The following ZSWIM5 variants were observed in gnomAD, a reference collection of about 807,000 sequenced individuals.
ZSWIM5 encodes the protein zinc finger SWIM domain-containing protein 5.
A neutral mutation model predicts 119.6 loss-of-function variants in ZSWIM5; 55 were observed. That is an observed-to-expected ratio of 0.46 (90% confidence interval 0.37 to 0.58). The LOEUF (loss-of-function observed/expected upper bound fraction) is 0.58, where lower values mean the gene tolerates loss of function less well. Ranked by LOEUF, ZSWIM5 falls within the 20% of genes least tolerant of loss-of-function variation. ZSWIM5 has a pLI of 0.00. For synonymous variants in ZSWIM5, 537 were observed against 606.9 expected, an observed-to-expected ratio of 0.88 and a Z score of 1.69; for missense variants, 1,193 against 1,512.8, an observed-to-expected ratio of 0.79 and a Z score of 3.51.
intron 11 of ZSWIM5, 22 bp from the exon 12 acceptor site, chr1:45,020,810 G>A (rs769196548): frequency 1.2e-6 from 2 of 1,609,040 alleles, no homozygotes; most frequent in African/African-American, 1.3e-5. Flanking sequence ...AAGAGAAGGG[G>A]CAGGGTCTAT....
intron 1 of ZSWIM5, among the ~76,000 whole-genome samples, chr1:45,156,475 A>C (rs1422978891): frequency 6.6e-6 from 1 of 152,068 alleles, no homozygotes; most frequent in East Asian, 1.9e-4. Flanking sequence ...AAAAGAAACA[A>C]AGAAAATGGA....
At chr1:45,133,548 C>T (rs943906443) in intron 1 of ZSWIM5, among the ~76,000 whole-genome samples, 1 of 152,178 alleles carries the variant, frequency 6.6e-6, no homozygotes, top group Non-Finnish European at 1.5e-5. Context: ...AATTTTCTCT[C>T]ATTCTGTAGG....
rs561044778 is a variant in ZSWIM5 at position 45,196,681 on chromosome 1, C to G, written c.595+9075G>C. ...CTGGGATTACAGACGTGAGCCACCA[C>G]GCCCGGCTGAAGCCCACAATTCTTT... On this transcript the variant is annotated intron_variant, in intron 1 of 13. Coordinates refer to ENST00000359600, the MANE Select transcript of ZSWIM5 (RefSeq NM_020883.2). Among the ~76,000 whole-genome samples the G allele has an allele frequency of 5.9e-5, 9 of 151,512 alleles. No individual in the cohort carries two copies. In the South Asian group the frequency reaches 1.9e-3, roughly 32 times the overall value.
Position 45,129,901 on chromosome 1 carries a change from AT to A in ZSWIM5, c.596-41665del, listed in dbSNP as rs988429826. On this transcript the variant is annotated intron_variant, in intron 1 of 13. Transcript: ENST00000359600. The stretch of plus-strand genomic sequence containing the variant: ...CCAAAAACATAATCCATAAAAGGAA[AT>A]TTTTTTTTTTTTTGAGATGGAGTTC... Among the ~76,000 whole-genome samples, 839 of 146,452 alleles carry A rather than the reference AT, an allele frequency of 5.7e-3. 4 individuals carry two copies. Among genetic ancestry groups the A allele is most frequent in the East Asian group, 0.017 (84 of 5,048 alleles).
rs1382762443 is a variant in ZSWIM5, at chr1:45,205,908, G to A, written c.443C>T (p.Pro148Leu). Residue 148 changes from proline (P) to leucine (L), a missense_variant, in exon 1 of 14, where the codon CCG (proline) becomes CTG (leucine). Pro to Leu is a moderately conservative substitution (Grantham distance 98, BLOSUM62 -3). Around this residue, in one of 2 missense-constraint regions of ZSWIM5, gnomAD observed 232 missense variants for 222.9 expected, o/e 1.04. Transcript: ENST00000359600. ...GACGCCCCCGGGGGCGGAGCCGGCC[G>A]GAGCGGCGGCCCCGGGGGGTGGCTG... ...GPQPPPGAAA[P>L]AGSAPGGVAA... 3.8e-6 allele frequency: 4 copies of A among 1,054,268 alleles called. No homozygotes were observed. Among genetic ancestry groups the A allele is most frequent in the Non-Finnish European group, 4.6e-6 (4 of 876,946 alleles). The allele number at this position is 1,054,268 out of a possible 1,614,324, so 65.3% of individuals were successfully genotyped here. A position where few individuals can be genotyped will look rare whatever the true frequency, so the allele number is the denominator to read the frequency against.
chr1:45,164,683 C>G (rs370524939), intron 1 of ZSWIM5, among the ~76,000 whole-genome samples: 8 of 152,050 alleles, frequency 5.3e-5, no homozygotes, highest in Non-Finnish European at 1.2e-4. Flanking sequence ...TCTGATAAAA[C>G]AGACTTTAAA....
Position 45,126,181 on chromosome 1 carries a change from A to C in ZSWIM5, c.596-37944T>G, listed in dbSNP as rs537877421. On this transcript the variant is annotated intron_variant, in intron 1 of 13. Transcript: ENST00000359600. ...TGAAATAAACCAAGCAGAAAGGAGG[A>C]AGTAATAAAGGTAAAGAGAAGAAAT... is the stretch of plus-strand genomic sequence containing the variant. Among the ~76,000 whole-genome samples the C allele has an allele frequency of 6.6e-4, 100 of 152,018 alleles. 1 individual carries two copies. Among genetic ancestry groups the C allele is most frequent in the East Asian group, 1.3e-3 (7 of 5,186 alleles).
chr1:45,145,416 C>T (rs1405532952), intron 1 of ZSWIM5, among the ~76,000 whole-genome samples: 1 of 149,578 alleles, frequency 6.7e-6, no homozygotes, highest in East Asian at 1.9e-4. Context: ...TTAGAAACAA[C>T]CCAAATATCC....
intron 1 of ZSWIM5, among the ~76,000 whole-genome samples, chr1:45,142,888 C>A (rs1459817364): frequency 6.6e-6 from 1 of 151,304 alleles, no homozygotes; most frequent in Non-Finnish European, 1.5e-5. Context: ...AAACTATAGA[C>A]TGCTGGACAT....
rs557145573 is a variant in ZSWIM5, at chr1:45,169,854, A to AC, written c.595+35901dup. Among the ~76,000 whole-genome samples, 33 of 152,258 alleles carry AC rather than the reference A, an allele frequency of 2.2e-4. No homozygotes were observed. In the South Asian group the frequency reaches 6.2e-3, roughly 29 times the overall value. ...TTACATCACTTAATACACAGCATGC[A>AC]CTAAAAAAAGTATTAAAACCTATAT... On this transcript the variant is annotated intron_variant, in intron 1 of 13. Transcript: ENST00000359600.
intron 2 of ZSWIM5, among the ~76,000 whole-genome samples, chr1:45,071,416 C>G (rs1645221077): frequency 6.7e-6 from 1 of 148,226 alleles, no homozygotes; most frequent in Non-Finnish European, 1.5e-5. Flanking sequence ...GCATAATAAC[C>G]TCCAATTCCA....
chr1:45,153,084 T>C (rs1025672937), intron 1 of ZSWIM5, among the ~76,000 whole-genome samples: 3 of 122,948 alleles, frequency 2.4e-5, no homozygotes, highest in African/African-American at 6.9e-5. Context: ...ATGGCTACTA[T>C]TAAAAAGTTA....
chr1:45,054,408 C>A (rs1409039916), intron 4 of ZSWIM5, among the ~76,000 whole-genome samples: 1 of 151,760 alleles, frequency 6.6e-6, no homozygotes, highest in Non-Finnish European at 1.5e-5. Flanking sequence ...CATGGTGAAA[C>A]CCTGTCTCTA....
At chr1:45,164,781 T>C (rs1455467128) in intron 1 of ZSWIM5, among the ~76,000 whole-genome samples, 1 of 152,070 alleles carries the variant, frequency 6.6e-6, no homozygotes, top group African/African-American at 2.4e-5. Flanking sequence ...CCTAAATATA[T>C]ATGCACCCAA....
chr1:45,131,006 C>T (rs1208228391), intron 1 of ZSWIM5, among the ~76,000 whole-genome samples: 1 of 152,150 alleles, frequency 6.6e-6, no homozygotes, highest in Admixed American at 6.5e-5. Flanking sequence ...TATACTATTC[C>T]ATCTATGTAA....
At chr1:45,128,737 A>G (rs1570128953) in intron 1 of ZSWIM5, among the ~76,000 whole-genome samples, 1 of 152,372 alleles carries the variant, frequency 6.6e-6, no homozygotes, top group African/African-American at 2.4e-5. Flanking sequence ...ATCATACAGA[A>G]TAGTTTCACT....
At chr1:45,154,204 C>T (rs1011128406) in intron 1 of ZSWIM5, among the ~76,000 whole-genome samples, 1 of 152,002 alleles carries the variant, frequency 6.6e-6, no homozygotes, top group Non-Finnish European at 1.5e-5. Context: ...ATGCAATTCC[C>T]ATCAAAATAC....
chr1:45,181,270 A>G (rs1430214208), intron 1 of ZSWIM5, among the ~76,000 whole-genome samples: 1 of 152,162 alleles, frequency 6.6e-6, no homozygotes. Flanking sequence ...CCAAGGCTCA[A>G]GAACTACGTG....
At chr1:45,074,444 A>T (rs1007535580) in intron 2 of ZSWIM5, among the ~76,000 whole-genome samples, 4 of 151,798 alleles carry the variant, frequency 2.6e-5, no homozygotes, top group Non-Finnish European at 5.9e-5. Flanking sequence ...TTCATGGTTC[A>T]GTCTTGATAG....
Sources: allele counts gnomAD v4.1 joint callset (sites outside exome capture counted in the v4.1 genomes callset), GRCh38; gene constraint gnomAD v4.1.1; regional missense constraint gnomAD v4.1.1; transcripts MANE v1.5; gene names NCBI Gene and HGNC (gene_info 2026-07-23, HGNC 2026-07-21).